SMURF1: variants seen among roughly 807,000 people sequenced by gnomAD.
The protein encoded by SMURF1 is SMAD specific E3 ubiquitin protein ligase 1.
In SMURF1, 44 loss-of-function variants were observed where a neutral mutation model predicts 98.0. The ratio of observed to expected loss-of-function variants is 0.45; its 90% confidence interval spans 0.35 to 0.58. SMURF1 has a LOEUF of 0.58. Ranked by LOEUF, SMURF1 falls within the 20% of genes least tolerant of loss-of-function variation. The probability of loss-of-function intolerance (pLI) is 0.00; values close to 1 mark genes in which losing one functional copy is unlikely to be tolerated. For missense variants in SMURF1, 687 were observed against 938.4 expected (o/e 0.73, Z 3.50); for synonymous variants, 396 against 374.9 (o/e 1.06, Z -0.65).
chr7:99,078,819 T>C (rs754321955), intron 1 of SMURF1, among the ~76,000 whole-genome samples: 1 of 152,244 alleles, frequency 6.6e-6, no homozygotes, highest in Non-Finnish European at 1.5e-5. Context: ...GGGCTCCCAC[T>C]GACTCTGCAT....
intron 1 of SMURF1, among the ~76,000 whole-genome samples, chr7:99,118,615 A>G (rs187262475): frequency 9.2e-5 from 14 of 152,328 alleles, no homozygotes; most frequent in African/African-American, 3.4e-4. Flanking sequence ...GAAGCAGATT[A>G]GTAGTTGTAA....
chr7:99,097,514 GCTCT>G, intron 1 of SMURF1, among the ~76,000 whole-genome samples: 1 of 152,196 alleles, frequency 6.6e-6, no homozygotes, highest in South Asian at 2.1e-4. Context: ...TCAATCTCTT[GCTCT>G]CTCTCTCACA....
At chr7:99,046,545 T>C (rs538380667) in intron 10 of SMURF1, among the ~76,000 whole-genome samples, 2 of 151,700 alleles carry the variant, frequency 1.3e-5, no homozygotes, top group South Asian at 4.2e-4. Flanking sequence ...CTGGCCAACA[T>C]GGTGAAACCC....
At chr7:99,085,199 A>G (rs1225726291) in intron 1 of SMURF1, among the ~76,000 whole-genome samples, 1 of 151,770 alleles carries the variant, frequency 6.6e-6, no homozygotes, top group African/African-American at 2.4e-5. Context: ...AAAAATACAA[A>G]AAAATTAGCT....
intron 1 of SMURF1, among the ~76,000 whole-genome samples, chr7:99,067,465 G>C (rs992631672): frequency 2.6e-5 from 4 of 152,074 alleles, no homozygotes; most frequent in African/African-American, 9.7e-5. Flanking sequence ...ACCTTAGCCA[G>C]ATCATGCCTC....
chr7:99,060,962 T>A (rs1298440017), intron 2 of SMURF1, among the ~76,000 whole-genome samples: 1 of 152,024 alleles, frequency 6.6e-6, no homozygotes, highest in Non-Finnish European at 1.5e-5. Flanking sequence ...GAGGGAAAAG[T>A]GTCTGAAAGT....
At chr7:99,072,542 T>C (rs563296363) in intron 1 of SMURF1, among the ~76,000 whole-genome samples, 18 of 151,986 alleles carry the variant, frequency 1.2e-4, no homozygotes, top group Non-Finnish European at 2.2e-4. Context: ...ACTGGGGAGG[T>C]TGAGGCAGAA....
At position 99,050,561 on chromosome 7, in the gene SMURF1, T is replaced by TGATTGATTCTCCTGAATGAA. The variant is rs542115361; in HGVS notation, c.806+795_806+796insTTCATTCAGGAGAATCAATC. On this transcript the variant is annotated intron_variant, in intron 8 of 17. Coordinates refer to ENST00000361368, the MANE Select transcript of SMURF1 (RefSeq NM_181349.3). ...TAAGAATGATTAATTATTCTCCTGA[T>TGATTGATTCTCCTGAATGAA]TAATAATTTCAACACAATCTACAGT... 1.2e-3 allele frequency: 211 copies of TGATTGATTCTCCTGAATGAA among 183,234 alleles called. 2 individuals carry two copies. In the Middle Eastern group the frequency reaches 0.02, roughly 17 times the overall value. 11.4% of individuals were successfully genotyped at this position (183,234 alleles called of 1,614,324 possible).
rs758731936 is a variant in SMURF1 at position 99,060,718 on chromosome 7, G to A, written c.95-11C>T. 2.5e-6 allele frequency: 4 copies of A among 1,598,744 alleles called. No homozygotes were observed. Among genetic ancestry groups the A allele is most frequent in the Non-Finnish European group, 3.4e-6 (4 of 1,167,126 alleles). ...AAGGGTCAGGGAGCCCTAGAGGAGAGAGGAGACCCACACCTAGATGAGACC... is the reference window on the plus strand; with the variant it reads ...AAGGGTCAGGGAGCCCTAGAGGAGAAAGGAGACCCACACCTAGATGAGACC... On this transcript the variant is annotated splice_polypyrimidine_tract_variant and intron_variant, in intron 2 of 17. Coordinates refer to ENST00000361368, the MANE Select transcript of SMURF1 (RefSeq NM_181349.3).
intron 5 of SMURF1, among the ~76,000 whole-genome samples, chr7:99,055,463 G>C (rs1795855172): frequency 6.6e-6 from 1 of 151,460 alleles, no homozygotes; most frequent in Non-Finnish European, 1.5e-5. Context: ...GTGAGACTCT[G>C]TCTCCAAAAA....
chr7:99,108,070 G>A (rs1797230415), intron 1 of SMURF1, among the ~76,000 whole-genome samples: 1 of 152,094 alleles, frequency 6.6e-6, no homozygotes, highest in African/African-American at 2.4e-5. Flanking sequence ...TTGAAAGTAT[G>A]CAAAAACCAC....
chr7:99,063,332 C>T (rs1796112030), intron 1 of SMURF1, among the ~76,000 whole-genome samples: 1 of 133,732 alleles, frequency 7.5e-6, no homozygotes, highest in African/African-American at 2.9e-5. Flanking sequence ...CACTCCGTCA[C>T]CCCAGGCTGG....
At chr7:99,070,981 GTAT>G (rs1329830743) in intron 1 of SMURF1, among the ~76,000 whole-genome samples, 1 of 151,578 alleles carries the variant, frequency 6.6e-6, no homozygotes, top group African/African-American at 2.4e-5. Flanking sequence ...CAAAGCAGAA[GTAT>G]TATTATAATG....
intron 8 of SMURF1, 82 bp from the exon 9 acceptor site, chr7:99,049,791 A>T: frequency 7.2e-7 from 1 of 1,389,568 alleles, no homozygotes; most frequent in Non-Finnish European, 9.8e-7. Context: ...GAAGCCACAG[A>T]GGTTCCTTAT....
chr7:99,065,080 C>T (rs934312619), intron 1 of SMURF1, among the ~76,000 whole-genome samples: 1 of 151,526 alleles, frequency 6.6e-6, no homozygotes, highest in Non-Finnish European at 1.5e-5. Flanking sequence ...TTTTTTGATG[C>T]CTTTAAGTGA....
intron 1 of SMURF1, among the ~76,000 whole-genome samples, chr7:99,119,452 C>T (rs1383050711): frequency 6.6e-6 from 1 of 152,016 alleles, no homozygotes; most frequent in Non-Finnish European, 1.5e-5. Context: ...GGTTGTTGAC[C>T]CATGCCAGGA....
At position 99,054,906 on chromosome 7, in the gene SMURF1, G is replaced by A. The variant is rs1169630863; in HGVS notation, c.404-41C>T. Reference sequence around the variant, plus strand: ...ACGACTTGTGTTAAAACCCAGCGGGGTTTACATAATTATAATACAGTGAGT... The same window carrying A: ...ACGACTTGTGTTAAAACCCAGCGGGATTTACATAATTATAATACAGTGAGT... On this transcript the variant is annotated intron_variant, in intron 5 of 17. Coordinates refer to ENST00000361368, the MANE Select transcript of SMURF1 (RefSeq NM_181349.3). 5 of 1,564,924 alleles carry A rather than the reference G, an allele frequency of 3.2e-6. No homozygotes were observed. In the Admixed American group the frequency reaches 6.7e-5, roughly 21 times the overall value.
In SMURF1 at chr7:99,040,291, ACACGCG is replaced by A. The variant is rs1554437723; in HGVS notation, c.1550+81_1550+86del. On this transcript the variant is annotated intron_variant, in intron 13 of 17. Transcript: ENST00000361368. ...TCACACACATCCCCAAAATACACAC[ACACGCG>A]CGCGCGCGCGCACGCGCATACATAC... The A allele has an allele frequency of 1.9e-5, 24 of 1,254,966 alleles. No individual in the cohort carries two copies. In the South Asian group the frequency reaches 2.5e-4, roughly 13 times the overall value. 77.7% of individuals were successfully genotyped at this position (1,254,966 alleles called of 1,614,324 possible). A position where few individuals can be genotyped will look rare whatever the true frequency, so the allele number is the denominator to read the frequency against.
At chr7:99,070,548 T>C (rs1327828344) in intron 1 of SMURF1, among the ~76,000 whole-genome samples, 1 of 152,252 alleles carries the variant, frequency 6.6e-6, no homozygotes, top group African/African-American at 2.4e-5. Flanking sequence ...AAGCAAGTAC[T>C]GTGTCTTTTA....
Sources: allele counts gnomAD v4.1 joint callset (sites outside exome capture counted in the v4.1 genomes callset), GRCh38; gene constraint gnomAD v4.1.1; transcripts MANE v1.5; gene names NCBI Gene and HGNC (gene_info 2026-07-23, HGNC 2026-07-21).